The following INPP4B variants were observed in gnomAD, a reference collection of about 807,000 sequenced individuals.
INPP4B encodes the protein inositol polyphosphate-4-phosphatase type II B, also known as inositol polyphosphate 4-phosphatase type II.
INPP4B carries 55 observed loss-of-function variants against 122.5 expected under a neutral mutation model. The ratio of observed to expected loss-of-function variants is 0.45; its 90% CI spans 0.36 to 0.56. The LOEUF (loss-of-function observed/expected upper bound fraction) is 0.56, where lower values mean the gene tolerates loss of function less well. Ranked by LOEUF, INPP4B falls within the 20% of genes least tolerant of loss-of-function variation. INPP4B has a pLI of 0.00. For missense variants in INPP4B, 1,000 were observed against 1,097.7 expected (o/e 0.91, Z 1.26); for synonymous variants, 403 against 388.7 (o/e 1.04, Z -0.43).
intron 23 of INPP4B, among the ~76,000 whole-genome samples, chr4:142,089,900 C>T (rs767266615): frequency 9.9e-5 from 15 of 152,110 alleles, no homozygotes; most frequent in Non-Finnish European, 1.8e-4. Context: ...GACTTTTTCA[C>T]AAAGTTCATA....
intron 25 of INPP4B, among the ~76,000 whole-genome samples, chr4:142,034,926 A>G (rs1742889832): frequency 6.6e-6 from 1 of 151,986 alleles, no homozygotes; most frequent in Admixed American, 6.6e-5. Context: ...CCCTGTGTGT[A>G]CCAATTCTAT....
At chr4:142,632,511 G>A (rs1267803521) in intron 2 of INPP4B, among the ~76,000 whole-genome samples, 1 of 151,774 alleles carries the variant, frequency 6.6e-6, no homozygotes, top group Non-Finnish European at 1.5e-5. Flanking sequence ...AGAAATAATA[G>A]GACCTAGTAT....
intron 25 of INPP4B, among the ~76,000 whole-genome samples, chr4:142,075,246 C>A (rs1210124460): frequency 6.6e-6 from 1 of 151,900 alleles, no homozygotes; most frequent in Non-Finnish European, 1.5e-5. Context: ...TATTAATGAC[C>A]TGTTTTCCCA....
intron 11 of INPP4B, among the ~76,000 whole-genome samples, chr4:142,258,648 A>T (rs1448077380): frequency 1.3e-5 from 2 of 152,240 alleles, no homozygotes; most frequent in East Asian, 3.9e-4. Context: ...TCAAAACCAC[A>T]ATGAGATACC....
intron 11 of INPP4B, among the ~76,000 whole-genome samples, chr4:142,257,970 A>G (rs2150340282): frequency 6.6e-6 from 1 of 152,326 alleles, no homozygotes; most frequent in East Asian, 1.9e-4. Flanking sequence ...AGGCTACAGT[A>G]ACCAAAACAG....
rs144334222 is a variant in INPP4B, at chr4:142,479,603, A to G, written c.-190-16877T>C. ...AGACTAGATAAAGAAAATATGGTAC[A>G]TATATACCATAGGATACTATACAGC... On this transcript the variant is annotated intron_variant, in intron 2 of 25. Transcript: ENST00000262992. 2.4e-3 allele frequency among the ~76,000 whole-genome samples: 367 copies of G among 152,266 alleles called. 1 individual carries two copies. Among genetic ancestry groups the G allele is most frequent in the African/African-American group, 7.4e-3 (307 of 41,516 alleles).
chr4:142,041,618 C>T (rs1410983104), intron 25 of INPP4B, among the ~76,000 whole-genome samples: 1 of 151,086 alleles, frequency 6.6e-6, no homozygotes, highest in Non-Finnish European at 1.5e-5. Context: ...AACTCCATCT[C>T]AAATAATACT....
In INPP4B at chr4:142,028,839, C is replaced by T; in HGVS notation, c.2718G>A (p.Met906Ile). The change falls in exon 26 of 26, where the codon ATG becomes ATA. Residue 906 changes from methionine to isoleucine, a missense_variant. Transcript: ENST00000262992. ...RKYAFNMLQL[M>I]AFPKYYRPPE... ...GAGGTCTGTAGTACTTGGGGAAAGC[C>T]ATCAGCTGTAGCATGTTGAAAGCAT... is the stretch of plus-strand genomic sequence containing the variant. 6.2e-7 allele frequency: 1 copy of T among 1,613,564 alleles called. No individual in the cohort carries two copies. Among genetic ancestry groups the T allele is most frequent in the Non-Finnish European group, 8.5e-7 (1 of 1,179,670 alleles).
At position 142,379,944 on chromosome 4, in the gene INPP4B, C is replaced by T. The variant is rs146346663; in HGVS notation, c.372+22994G>A. On this transcript the variant is annotated intron_variant, in intron 7 of 25. Transcript: ENST00000262992. ...GAGCTGGCCAGCCAGGTGCTGGAGG[C>T]CTAAGCCACTAGGCAAATGGTGACA... Among the ~76,000 whole-genome samples, 1,264 of 152,284 alleles carry T rather than the reference C, an allele frequency of 8.3e-3. 17 individuals are homozygous for T. The highest frequency in any genetic ancestry group is 0.029 in the African/African-American group (1,209 of 41,574).
chr4:142,798,413 T>C (rs1354802030), intron 1 of INPP4B, among the ~76,000 whole-genome samples: 1 of 151,912 alleles, frequency 6.6e-6, no homozygotes, highest in African/African-American at 2.4e-5. Flanking sequence ...AAACTTATTA[T>C]GGTTTCAGAA....
chr4:142,325,812 T>C (rs1053510153), intron 7 of INPP4B, among the ~76,000 whole-genome samples: 3 of 152,186 alleles, frequency 2.0e-5, no homozygotes, highest in African/African-American at 7.2e-5. Flanking sequence ...ATGTAGTTCT[T>C]TAGGTTAATA....
chr4:142,415,513 G>C (rs980334869), intron 5 of INPP4B, among the ~76,000 whole-genome samples: 1 of 152,008 alleles, frequency 6.6e-6, no homozygotes, highest in Non-Finnish European at 1.5e-5. Context: ...ACAGGTGCTG[G>C]AGAGGATGTG....
At chr4:142,401,357 C>T (rs1801529140) in intron 7 of INPP4B, among the ~76,000 whole-genome samples, 1 of 152,130 alleles carries the variant, frequency 6.6e-6, no homozygotes, top group Admixed American at 6.5e-5. Context: ...TCCTTTTTCA[C>T]ATTACCTCAA....
chr4:142,654,162 T>C (rs754546827), intron 2 of INPP4B, among the ~76,000 whole-genome samples: 3 of 151,836 alleles, frequency 2.0e-5, no homozygotes, highest in Non-Finnish European at 2.9e-5. Flanking sequence ...CAGGTGGGAA[T>C]TGAACAATGA....
chr4:142,624,067 C>T (rs886171346), intron 2 of INPP4B, among the ~76,000 whole-genome samples: 5 of 151,622 alleles, frequency 3.3e-5, no homozygotes, highest in Non-Finnish European at 7.4e-5. Context: ...GATTTATAGT[C>T]CTTTGGGTAT....
Position 142,024,465 on chromosome 4 carries a change from C to G in INPP4B, c.*4317G>C, listed in dbSNP as rs908672894. 6.6e-6 allele frequency: 1 copy of G among 152,044 alleles called. No individual in the cohort carries two copies. The highest frequency in any genetic ancestry group is 1.5e-5 in the Non-Finnish European group (1 of 68,004). The allele number at this position is 152,044 out of a possible 1,614,324, so 9.4% of individuals were successfully genotyped here. A position where few individuals can be genotyped will look rare whatever the true frequency, so the allele number is the denominator to read the frequency against. On this transcript the variant is annotated 3_prime_UTR_variant, in exon 26 of 26. Transcript: ENST00000262992. ...GCCTTGTGTTCAATATGTTTCCTTC[C>G]CTCTGTAACTGATGATCACAGTTTT...
intron 11 of INPP4B, among the ~76,000 whole-genome samples, chr4:142,239,030 T>A (rs570133081): frequency 6.6e-6 from 1 of 152,100 alleles, no homozygotes; most frequent in Non-Finnish European, 1.5e-5. Context: ...ATACTGAACA[T>A]GGTATGTCGG....
intron 2 of INPP4B, among the ~76,000 whole-genome samples, chr4:142,644,676 C>G (rs988465356): frequency 7.2e-6 from 1 of 139,466 alleles, no homozygotes; most frequent in Non-Finnish European, 1.5e-5. Context: ...GTGGGCTGGG[C>G]GGATCACCTA....
At chr4:142,718,608 A>T (rs1764118369) in intron 2 of INPP4B, among the ~76,000 whole-genome samples, 1 of 152,188 alleles carries the variant, frequency 6.6e-6, no homozygotes, top group African/African-American at 2.4e-5. Context: ...TTCTCATGGC[A>T]TAGGTAGTCA....
Sources: gnomAD v4.1 joint callset for allele counts (sites outside exome capture counted in the v4.1 genomes callset) on GRCh38, gnomAD v4.1.1 for gene constraint, MANE v1.5 for transcripts, NCBI Gene and HGNC (gene_info 2026-07-23, HGNC 2026-07-21) for gene names.